The following MDN1 variants were observed in gnomAD, a reference collection of about 807,000 sequenced individuals.
The protein encoded by MDN1 is midasin AAA ATPase 1.
Under a neutral mutation model 669.2 loss-of-function variants are expected in MDN1, and 266 were observed. The observed-to-expected ratio is 0.40, with a 90% CI of 0.36 to 0.44. The LOEUF (loss-of-function observed/expected upper bound fraction) is 0.44, where lower values mean the gene tolerates loss of function less well. MDN1 is among the 20% of genes least tolerant of loss of function. The pLI is 1.00. For synonymous variants in MDN1, 2,385 were observed against 2,457.1 expected (o/e 0.97, Z 0.87); for missense variants, 5,940 against 6,754.0 (o/e 0.88, Z 4.22).
At chr6:89,788,259 C>T (rs1332724417) in intron 7 of MDN1, among the ~76,000 whole-genome samples, 1 of 152,114 alleles carries the variant, frequency 6.6e-6, no homozygotes, top group Non-Finnish European at 1.5e-5. Flanking sequence ...CATGCAAATT[C>T]CCACACAGCA....
rs1562053666 is a variant in MDN1 at position 89,664,589 on chromosome 6, C to T, written c.14134G>A (p.Glu4712Lys). The change falls in exon 85 of 102, where the codon GAG (glutamate) becomes AAG (lysine). Residue 4712 changes from glutamate to lysine, a missense_variant. By Grantham distance (56) the Glu-to-Lys change is moderately conservative. Transcript: ENST00000369393. The stretch of plus-strand genomic sequence containing the variant: ...ATATCAGATTTTGAATCAGGATCCT[C>T]TTTGTCTTTTTCTTGACCCTTCTGA... Reference protein sequence around the residue: ...TFQKGQEKDKEDPDSKSDIKG... With the variant: ...TFQKGQEKDKKDPDSKSDIKG... The T allele has an allele frequency of 4.3e-6, 7 of 1,613,428 alleles. No homozygotes were observed. The highest frequency in any genetic ancestry group is 5.1e-6 in the Non-Finnish European group (6 of 1,179,372).
At position 89,662,244 on chromosome 6, in the gene MDN1, A is replaced by G. The variant is rs760813648; in HGVS notation, c.14413-5T>C. On this transcript the variant is annotated splice_region_variant and splice_polypyrimidine_tract_variant and intron_variant, in intron 86 of 101. Transcript: ENST00000369393. ...AGCAACAAGTTCAGAATCTTCCTAAATGTCAGAGGAAGAAAAAACAATCAT... is the reference window on the plus strand; with the variant it reads ...AGCAACAAGTTCAGAATCTTCCTAAGTGTCAGAGGAAGAAAAAACAATCAT... The G allele has an allele frequency of 1.4e-5, 23 of 1,602,596 alleles. No homozygotes were observed. Among genetic ancestry groups the G allele is most frequent in the Middle Eastern group, 3.3e-4 (2 of 6,016 alleles).
chr6:89,758,838 C>G lies in MDN1; in HGVS notation c.2583G>C (p.Val861=). Residue 861 remains valine (V), a synonymous_variant, in exon 18 of 102, where the codon GTG becomes GTC. Coordinates refer to ENST00000369393, the MANE Select transcript of MDN1 (RefSeq NM_014611.3). ...GLLEGSSGSL[V]LLDRGDTEPL... ...TACCTGTGTCTCCTCGATCCAGCAA[C>G]ACCAGGGATCCAGAAGATCCTTCAA... The G allele has an allele frequency of 6.2e-7, 1 of 1,614,150 alleles. No individual in the cohort carries two copies. Among genetic ancestry groups the G allele is most frequent in the Non-Finnish European group, 8.5e-7 (1 of 1,180,030 alleles).
chr6:89,719,016 G>T lies in MDN1; in HGVS notation c.6072C>A (p.Val2024=). 1 of 1,614,174 alleles carries T rather than the reference G, an allele frequency of 6.2e-7. No homozygotes were observed. The highest frequency in any genetic ancestry group is 2.2e-5 in the East Asian group (1 of 44,882). ...TPYDVQLGYS[V]LSRGSCVPHP... ...GAGGAACACAGCTCCCACGGGAAAG[G>T]ACTGAGTAGCCCAACTGAAAAGACA... Residue 2024 remains valine (V), a synonymous_variant, in exon 42 of 102, where the codon GTC becomes GTA. Coordinates refer to ENST00000369393, the MANE Select transcript of MDN1 (RefSeq NM_014611.3).
chr6:89,685,708 A>G, intron 70 of MDN1, 119 bp downstream of exon 70: 1 of 1,092,174 alleles, frequency 9.2e-7, no homozygotes, highest in Non-Finnish European at 1.3e-6. Context: ...ATTAAACATA[A>G]CTAAATGTGT....
rs1209173293 is a variant in MDN1, at chr6:89,692,437, G to A, written c.10587+6C>T. On this transcript the variant is annotated splice_donor_region_variant and intron_variant, in intron 63 of 101. Coordinates refer to ENST00000369393, the MANE Select transcript of MDN1 (RefSeq NM_014611.3). ...GGGCAGGGCAGGCCTCCCAGAGATG[G>A]CTCACCTGACACACATGTCTGAAGA... is the stretch of plus-strand genomic sequence containing the variant. 6.3e-7 allele frequency: 1 copy of A among 1,599,162 alleles called. No individual in the cohort carries two copies. The highest frequency in any genetic ancestry group is 8.5e-7 in the Non-Finnish European group (1 of 1,171,920).
rs115021192 is a variant in MDN1 at position 89,652,975 on chromosome 6, T to C, written c.15825+17A>G. ...TATTAACACTATATTAATGCAGTAA[T>C]TTGTGAGTTTTACTACCTGGAAGAT... On this transcript the variant is annotated intron_variant, in intron 94 of 101. Transcript: ENST00000369393. 1.9e-6 allele frequency: 3 copies of C among 1,608,698 alleles called. No homozygotes were observed. The Admixed American group carries it at 5.1e-5, about 27-fold the overall frequency.
intron 93 of MDN1, among the ~76,000 whole-genome samples, 181 bp from the exon 94 acceptor site, chr6:89,653,336 C>G (rs1310640671): frequency 6.6e-6 from 1 of 152,214 alleles, no homozygotes. Context: ...AACCCTTACT[C>G]TCTAAACTCC....
At position 89,707,418 on chromosome 6, in the gene MDN1, C is replaced by G. The variant is rs755275067; in HGVS notation, c.7957G>C (p.Val2653Leu). The G allele has an allele frequency of 3.1e-6, 5 of 1,613,984 alleles. No homozygotes were observed. Among genetic ancestry groups the G allele is most frequent in the Non-Finnish European group, 4.2e-6 (5 of 1,179,980 alleles). Reference protein sequence around the residue: ...RVFTEANLVSVGSKKLRESVL... With the variant: ...RVFTEANLVSLGSKKLRESVL... ...CTCTCTCTTAGCTTTTTGCTACCAA[C>G]AGAAACCAAATTTGCTTCAGTAAAA... Residue 2653 changes from valine (V) to leucine (L), a missense_variant, in exon 52 of 102, where the codon GTT becomes CTT. This residue lies in a region of MDN1 where 2,292 missense variants were observed against 2,638.3 expected (regional missense o/e 0.87). Coordinates refer to ENST00000369393, the MANE Select transcript of MDN1 (RefSeq NM_014611.3).
chr6:89,689,415 T>C (rs760794937), intron 65 of MDN1, among the ~76,000 whole-genome samples: 8 of 152,156 alleles, frequency 5.3e-5, no homozygotes, highest in Non-Finnish European at 1.2e-4. Context: ...CCTACTTCTA[T>C]GAAATAATGC....
intron 65 of MDN1, 140 bp downstream of exon 65, chr6:89,689,730 G>C: frequency 1.9e-6 from 2 of 1,051,194 alleles, no homozygotes; most frequent in Non-Finnish European, 1.3e-6. Context: ...ATCAGCTTCA[G>C]TTCTTTAAGC....
At position 89,683,735 on chromosome 6, in the gene MDN1, A is replaced by G. The variant is rs1437899139; in HGVS notation, c.11903+96T>C. 3.7e-5 allele frequency: 33 copies of G among 893,868 alleles called. No individual in the cohort carries two copies. In the East Asian group the frequency reaches 7.4e-4, roughly 20 times the overall value. 55.4% of individuals were successfully genotyped at this position (893,868 alleles called of 1,614,324 possible). On this transcript the variant is annotated intron_variant, in intron 72 of 101. Coordinates refer to ENST00000369393, the MANE Select transcript of MDN1 (RefSeq NM_014611.3). ...TTTTTTGAGAAGTTTAACACACTTA[A>G]TATTAAGTTAGGTTATGGTAACTAT...
intron 5 of MDN1, among the ~76,000 whole-genome samples, chr6:89,792,134 C>T (rs1819304704): frequency 6.6e-6 from 1 of 152,030 alleles, no homozygotes; most frequent in South Asian, 2.1e-4. Flanking sequence ...TCCCAAAGTG[C>T]TGGGATTACA....
intron 84 of MDN1, 109 bp from the exon 85 acceptor site, chr6:89,664,737 A>G (rs3818133): frequency 0.13 from 95,893 of 756,126 alleles, 6,872 homozygotes; most frequent in South Asian, 0.17. Flanking sequence ...CTGGGAGAGG[A>G]AAAAAAAAGA....
intron 86 of MDN1, 74 bp from the exon 87 acceptor site, chr6:89,662,313 G>C: frequency 1.4e-6 from 2 of 1,471,706 alleles, no homozygotes; most frequent in Non-Finnish European, 1.8e-6. Context: ...TTGACTTTTA[G>C]ACATGCATAA....
rs1296576221 is a variant in MDN1, at chr6:89,676,552, A to G, written c.12540-345T>C. On this transcript the variant is annotated intron_variant, in intron 76 of 101. Coordinates refer to ENST00000369393, the MANE Select transcript of MDN1 (RefSeq NM_014611.3). ...AAGCATACAATGATGCATGGCAGTG[A>G]CAGCTGACCTCAACGTGGGGAAGAC... 2.0e-5 allele frequency among the ~76,000 whole-genome samples: 3 copies of G among 152,212 alleles called. No individual in the cohort carries two copies. In the East Asian group the frequency reaches 5.8e-4, roughly 29 times the overall value.
Position 89,751,486 on chromosome 6 carries a change from G to C in MDN1, c.3172C>G (p.Leu1058Val). Residue 1058 changes from leucine (L) to valine (V), a missense_variant, in exon 23 of 102, where the codon CTG becomes GTG. Leu to Val is a conservative substitution (Grantham distance 32). Coordinates refer to ENST00000369393, the MANE Select transcript of MDN1 (RefSeq NM_014611.3). ...KEPTIDETYI[L>V]TSSVKLNLRD... ...AGGTTCAGCTTCACAGAAGATGTCA[G>C]AATGTACGTCTCATCTATTGTAGGC... is the stretch of plus-strand genomic sequence containing the variant. 1 of 1,614,210 alleles carries C rather than the reference G, an allele frequency of 6.2e-7. No homozygotes were observed. The highest frequency in any genetic ancestry group is 1.1e-5 in the South Asian group (1 of 91,088).
chr6:89,674,587 T>C lies in MDN1; in HGVS notation c.12764A>G (p.Asn4255Ser). ...AATCTCTTGCACACAGCTGAGGAGG[T>C]TCCTGTACAGAGAAACCCATGGGAA... ...TLSEQWIILR[N>S]LLSCVQEIHS... Residue 4255 changes from asparagine to serine, a missense_variant and splice_region_variant, in exon 79 of 102, where the codon AAC (asparagine) becomes AGC (serine). This residue lies in a region of MDN1 where 2,280 missense variants were observed against 2,576.3 expected (regional missense o/e 0.88). Coordinates refer to ENST00000369393, the MANE Select transcript of MDN1 (RefSeq NM_014611.3). The C allele has an allele frequency of 6.5e-7, 1 of 1,539,080 alleles. No homozygotes were observed. The highest frequency in any genetic ancestry group is 8.7e-7 in the Non-Finnish European group (1 of 1,149,902).
intron 26 of MDN1, among the ~76,000 whole-genome samples, chr6:89,748,999 G>C (rs1158499780): frequency 6.6e-6 from 1 of 151,972 alleles, no homozygotes; most frequent in African/African-American, 2.4e-5. Context: ...AGGAGGTCAA[G>C]GCTGCAATGA....
Sources: gnomAD v4.1 joint callset for allele counts (sites outside exome capture counted in the v4.1 genomes callset) on GRCh38, gnomAD v4.1.1 for gene constraint, gnomAD v4.1.1 regional missense constraint, MANE v1.5 for transcripts, NCBI Gene and HGNC (gene_info 2026-07-23, HGNC 2026-07-21) for gene names.